Variants in VIM observed in about 807,000 individuals in gnomAD.
The protein encoded by VIM is vimentin.
VIM carries 18 observed loss-of-function variants against 50.3 expected under a neutral mutation model. The observed-to-expected ratio is 0.36, with a 90% CI of 0.25 to 0.53. VIM has a LOEUF of 0.53. Among genes scored for constraint, VIM ranks in the 20% least tolerant of loss-of-function variants. VIM has a pLI of 0.91. For synonymous variants in VIM, 245 were observed against 248.5 expected, an observed-to-expected ratio of 0.99 and a Z score of 0.13; for missense variants, 551 against 614.7, an observed-to-expected ratio of 0.90 and a Z score of 1.10.
At chr10:17,236,126 G>A in intron 8 of VIM, 168 bp from the exon 9 acceptor site, 1 of 741,956 alleles carries the variant, frequency 1.3e-6, no homozygotes, top group South Asian at 1.6e-5. Context: ...GCTCAAGAGT[G>A]TCAGGGCCTG....
chr10:17,229,666 G>A lies in VIM; in HGVS notation c.244G>A (p.Asp82Asn), dbSNP rs1413835853. The A allele has an allele frequency of 1.9e-6, 3 of 1,560,694 alleles. No homozygotes were observed. Among genetic ancestry groups the A allele is most frequent in the East Asian group, 2.4e-5 (1 of 41,492 alleles). Residue 82 changes from aspartate to asparagine, a missense_variant, in exon 2 of 10, where the codon GAC (aspartate) becomes AAC (asparagine). Coordinates refer to ENST00000544301, the MANE Select transcript of VIM (RefSeq NM_003380.5). ...CGTGCCCGGGGTGCGGCTCCTGCAG[G>A]ACTCGGTGGACTTCTCGCTGGCCGA... Reference protein sequence around the residue: ...SSVPGVRLLQDSVDFSLADAI... With the variant: ...SSVPGVRLLQNSVDFSLADAI...
chr10:17,236,665 T>G (rs765486384), intron 9 of VIM, among the ~76,000 whole-genome samples: 6 of 152,214 alleles, frequency 3.9e-5, no homozygotes, highest in Non-Finnish European at 7.3e-5. Context: ...AACCACTTCC[T>G]AAAGCAGCTA....
chr10:17,230,139 T>C (rs200370281), intron 2 of VIM, 154 bp downstream of exon 2: 3 of 988,410 alleles, frequency 3.0e-6, no homozygotes, highest in Middle Eastern at 3.2e-4. Flanking sequence ...GCTGTGGCTG[T>C]GGTGGCGCAG....
intron 8 of VIM, 162 bp from the exon 9 acceptor site, chr10:17,236,132 G>A: frequency 2.7e-6 from 2 of 753,764 alleles, no homozygotes; most frequent in Non-Finnish European, 4.6e-6. Flanking sequence ...GAGTGTCAGG[G>A]CCTGGGTTTC....
chr10:17,229,981 G>A lies in VIM; in HGVS notation c.559G>A (p.Glu187Lys), dbSNP rs777297315. ...NLAEDIMRLR[E>K]KLQEEMLQRE... ...GGCCGAGGACATCATGCGCCTCCGGGAGAAGTAAGGCTGCGCCCATGCAAG... is the reference window on the plus strand; with the variant it reads ...GGCCGAGGACATCATGCGCCTCCGGAAGAAGTAAGGCTGCGCCCATGCAAG... Residue 187 changes from glutamate (E) to lysine (K), a missense_variant, in exon 2 of 10, where the codon GAG becomes AAG. Glu to Lys is a moderately conservative substitution (Grantham distance 56). This residue lies in a region of VIM where 394 missense variants were observed against 437.5 expected (regional missense o/e 0.90). Coordinates refer to ENST00000544301, the MANE Select transcript of VIM (RefSeq NM_003380.5). 6.8e-6 allele frequency: 11 copies of A among 1,609,882 alleles called. No homozygotes were observed. The East Asian group carries it at 1.8e-4, about 26-fold the overall frequency.
At chr10:17,235,143 C>G (rs751366734) in intron 6 of VIM, 26 bp from the exon 7 acceptor site, 1 of 1,612,180 alleles carries the variant, frequency 6.2e-7, no homozygotes, top group Middle Eastern at 1.7e-4. Context: ...AGAAATAACA[C>G]CAGACATCTT....
chr10:17,229,570 C>T lies in VIM; in HGVS notation c.148C>T (p.Arg50Cys). ...LGSALRPSTSRSLYASSPGGV... is the reference protein window; with the variant it reads ...LGSALRPSTSCSLYASSPGGV... ...CAGCGCGCTGCGCCCCAGCACCAGC[C>T]GCAGCCTCTACGCCTCGTCCCCGGG... is the stretch of plus-strand genomic sequence containing the variant. The change falls in exon 2 of 10, where the codon CGC becomes TGC. Residue 50 changes from arginine (R) to cysteine (C), a missense_variant. Arg to Cys is a radical substitution (Grantham distance 180). Coordinates refer to ENST00000544301, the MANE Select transcript of VIM (RefSeq NM_003380.5). 1 of 1,608,990 alleles carries T rather than the reference C, an allele frequency of 6.2e-7. No individual in the cohort carries two copies. Among genetic ancestry groups the T allele is most frequent in the Non-Finnish European group, 8.5e-7 (1 of 1,178,684 alleles).
rs1214438836 is a variant in VIM, at chr10:17,237,230, G to A, written c.1360G>A (p.Val454Ile). The A allele has an allele frequency of 4.4e-6, 7 of 1,602,446 alleles. No homozygotes were observed. Among genetic ancestry groups the A allele is most frequent in the Non-Finnish European group, 6.0e-6 (7 of 1,173,050 alleles). Residue 454 changes from valine to isoleucine, a missense_variant and splice_region_variant, in exon 10 of 10, where the codon GTT becomes ATT. By Grantham distance (29) the Val-to-Ile change is conservative. Around this residue, in one of 3 missense-constraint regions of VIM, gnomAD observed 394 missense variants for 437.5 expected, o/e 0.90. Transcript: ENST00000544301. ...IKTVETRDGQ[V>I]INETSQHHDD... ...TATTTTGGTTTTTTTTTTTAAACAG[G>A]TTATCAACGAAACTTCTCAGCATCA...
chr10:17,233,716 G>T, intron 4 of VIM, 34 bp downstream of exon 4: 1 of 1,614,172 alleles, frequency 6.2e-7, no homozygotes, highest in Non-Finnish European at 8.5e-7. Flanking sequence ...ATGAATGAGG[G>T]TAAGGCAGCC....
chr10:17,235,082 A>T, intron 6 of VIM, 87 bp from the exon 7 acceptor site: 1 of 1,490,780 alleles, frequency 6.7e-7, no homozygotes, highest in Non-Finnish European at 9.3e-7. Flanking sequence ...CGCTAATGGA[A>T]ATTATTGCAG....
intron 3 of VIM, 156 bp downstream of exon 3, chr10:17,230,866 C>A (rs1846779053): frequency 1.4e-6 from 1 of 734,956 alleles, no homozygotes; most frequent in Non-Finnish European, 2.3e-6. Context: ...GTTGGAGCTT[C>A]TCATGATTAG....
intron 5 of VIM, 192 bp downstream of exon 5, chr10:17,234,123 T>C (rs1846846102): frequency 2.0e-5 from 13 of 649,748 alleles, no homozygotes; most frequent in Non-Finnish European, 3.3e-5. Context: ...TTTATTTTCT[T>C]ATTTATTTAT....
intron 3 of VIM, 109 bp from the exon 4 acceptor site, chr10:17,233,478 T>G: frequency 3.6e-6 from 4 of 1,111,010 alleles, no homozygotes. Flanking sequence ...GTCAACGGCT[T>G]TTCTATAGTA....
rs1281806487 is a variant in VIM at position 17,229,875 on chromosome 10, G to C, written c.453G>C (p.Glu151Asp). ...AGTCGCGCCTGGGGGACCTCTACGA[G>C]GAGGAGATGCGGGAGCTGCGCCGGC... The part of the protein sequence containing the change: ...QGKSRLGDLY[E>D]EEMRELRRQV... The change falls in exon 2 of 10, where the codon GAG (glutamate) becomes GAC (aspartate). Residue 151 changes from glutamate to aspartate, a missense_variant. Physicochemically the swap from Glu to Asp is conservative, Grantham distance 45 (BLOSUM62 2). Transcript: ENST00000544301. 1.9e-6 allele frequency: 3 copies of C among 1,610,790 alleles called. No individual in the cohort carries two copies. Among genetic ancestry groups the C allele is most frequent in the Non-Finnish European group, 2.5e-6 (3 of 1,178,834 alleles).
chr10:17,234,027 A>T, intron 5 of VIM, 96 bp downstream of exon 5: 1 of 1,518,348 alleles, frequency 6.6e-7, no homozygotes, highest in Non-Finnish European at 8.9e-7. Flanking sequence ...TCTAGCTCCA[A>T]TGCAAAGCTG....
At chr10:17,235,733 G>A in intron 7 of VIM, 113 bp from the exon 8 acceptor site, 1 of 1,024,734 alleles carries the variant, frequency 9.8e-7, no homozygotes, top group Non-Finnish European at 1.5e-6. Context: ...TCTAGTTTAT[G>A]ATTTAAAACA....
In VIM at chr10:17,233,720, G is replaced by C. The variant is rs566746577; in HGVS notation, c.720+38G>C. 19 of 1,614,180 alleles carry C rather than the reference G, an allele frequency of 1.2e-5. No homozygotes were observed. In the East Asian group the frequency reaches 4.2e-4, roughly 36 times the overall value. ...ACTTTCGGGGAATGAATGAGGGTAAGGCAGCCCCCACGGTTGGCAGAGCTG... is the reference window on the plus strand; with the variant it reads ...ACTTTCGGGGAATGAATGAGGGTAACGCAGCCCCCACGGTTGGCAGAGCTG... On this transcript the variant is annotated intron_variant, in intron 4 of 9. Transcript: ENST00000544301.
rs1405354231 is a variant in VIM, at chr10:17,236,322, T to A, written c.1302T>A (p.Val434=). ...CTAATCTGGATTCACTCCCTCTGGT[T>A]GATACCCACTCAAAAAGGACACTTC... is the stretch of plus-strand genomic sequence containing the variant. ...RETNLDSLPL[V]DTHSKRTLLI... is the part of the protein sequence containing the mutation. Residue 434 remains valine, a synonymous_variant, in exon 9 of 10, where the codon GTT becomes GTA. Coordinates refer to ENST00000544301, the MANE Select transcript of VIM (RefSeq NM_003380.5). 1 of 1,613,928 alleles carries A rather than the reference T, an allele frequency of 6.2e-7. No homozygotes were observed. The highest frequency in any genetic ancestry group is 2.2e-5 in the East Asian group (1 of 44,858).
At chr10:17,234,509 T>C (rs1846852505) in intron 5 of VIM, among the ~76,000 whole-genome samples, 184 bp from the exon 6 acceptor site, 1 of 152,202 alleles carries the variant, frequency 6.6e-6, no homozygotes, top group South Asian at 2.1e-4. Context: ...TGTGTTGAAA[T>C]GAGCACTGTA....
Sources: gnomAD v4.1 joint callset for allele counts (sites outside exome capture counted in the v4.1 genomes callset) on GRCh38, gnomAD v4.1.1 for gene constraint, gnomAD v4.1.1 regional missense constraint, MANE v1.5 for transcripts, NCBI Gene and HGNC (gene_info 2026-07-23, HGNC 2026-07-21) for gene names.